The following LATS1 variants were observed in gnomAD, a reference collection of about 807,000 sequenced individuals.
The protein encoded by LATS1 is large tumor suppressor kinase 1.
LATS1 carries 25 observed loss-of-function variants against 106.6 expected under a neutral mutation model. That is an observed-to-expected ratio of 0.23 (90% CI 0.17 to 0.33). The LOEUF is 0.33. Ranked by LOEUF, LATS1 falls within the 10% of genes least tolerant of loss-of-function variation. The pLI, the probability that LATS1 is intolerant of heterozygous loss-of-function variation, is 1.00. For missense variants in LATS1, 1,040 were observed against 1,382.6 expected (o/e 0.75, Z 3.93); for synonymous variants, 465 against 455.6 (o/e 1.02, Z -0.26).
Position 149,684,389 on chromosome 6 carries a change from C to T in LATS1, c.700G>A (p.Val234Met), listed in dbSNP as rs1782242376. The change falls in exon 4 of 8, where the codon GTG becomes ATG. Residue 234 changes from valine to methionine, a missense_variant. Coordinates refer to ENST00000543571, the MANE Select transcript of LATS1 (RefSeq NM_004690.4). ...ACTTGAGGTGGTGGTGGGGGGTTCA[C>T]TCTCTGTCCGTTGCTAGGGTGAGCT... ...VQAHPSNGQR[V>M]NPPPPPQVRS... is the part of the protein sequence containing the mutation. 2 of 1,613,966 alleles carry T rather than the reference C, an allele frequency of 1.2e-6. No homozygotes were observed. The highest frequency in any genetic ancestry group is 1.7e-5 in the Admixed American group (1 of 59,990).
intron 1 of LATS1, among the ~76,000 whole-genome samples, chr6:149,709,830 C>T (rs1489339093): frequency 6.6e-6 from 1 of 151,924 alleles, no homozygotes; most frequent in African/African-American, 2.4e-5. Flanking sequence ...CGTGCGCTAC[C>T]ATGCCTCGCT....
chr6:149,707,530 T>C (rs1783856748), intron 1 of LATS1, among the ~76,000 whole-genome samples: 1 of 152,184 alleles, frequency 6.6e-6, no homozygotes, highest in Non-Finnish European at 1.5e-5. Context: ...CCATGTAGTA[T>C]ACATTAGAAA....
intron 1 of LATS1, among the ~76,000 whole-genome samples, chr6:149,712,974 A>G (rs1354621522): frequency 2.0e-5 from 3 of 152,154 alleles, no homozygotes; most frequent in Non-Finnish European, 4.4e-5. Context: ...CAGCCCGGGC[A>G]TCAGAGCAAA....
chr6:149,683,611 G>A lies in LATS1; in HGVS notation c.1478C>T (p.Pro493Leu). The A allele has an allele frequency of 6.2e-7, 1 of 1,614,238 alleles. No individual in the cohort carries two copies. The highest frequency in any genetic ancestry group is 8.5e-7 in the Non-Finnish European group (1 of 1,180,044). ...ATTVTAITPA[P>L]IQQPVKSMRV... ...CATACTTTTCACAGGCTGTTGAATAGGAGCTGGTGTAATTGCAGTGACTGT... is the reference window on the plus strand; with the variant it reads ...CATACTTTTCACAGGCTGTTGAATAAGAGCTGGTGTAATTGCAGTGACTGT... The change falls in exon 4 of 8, where the codon CCT becomes CTT. Residue 493 changes from proline (P) to leucine (L), a missense_variant. Physicochemically the swap from Pro to Leu is moderately conservative, Grantham distance 98. Transcript: ENST00000543571.
chr6:149,698,418 C>T (rs1783232050), intron 2 of LATS1, among the ~76,000 whole-genome samples: 1 of 151,512 alleles, frequency 6.6e-6, no homozygotes, highest in Non-Finnish European at 1.5e-5. Flanking sequence ...TGATTTTTAA[C>T]TTTTTTTTGT....
intron 1 of LATS1, among the ~76,000 whole-genome samples, chr6:149,710,793 A>G (rs1268791972): frequency 6.6e-6 from 1 of 152,244 alleles, no homozygotes. Context: ...GGAGTTTGGT[A>G]AAGAGGATTT....
At position 149,699,276 on chromosome 6, in the gene LATS1, C is replaced by T. The variant is rs1026018772; in HGVS notation, c.348+2503G>A. ...TGGACTGCCAGAATCTTTATATCAC[C>T]ATTGGTATAAATAATACCATACTTC... is the stretch of plus-strand genomic sequence containing the variant. On this transcript the variant is annotated intron_variant, in intron 2 of 7. Coordinates refer to ENST00000543571, the MANE Select transcript of LATS1 (RefSeq NM_004690.4). Among the ~76,000 whole-genome samples the T allele has an allele frequency of 3.3e-5, 5 of 152,092 alleles. No individual in the cohort carries two copies. The East Asian group carries it at 9.7e-4, about 29-fold the overall frequency.
chr6:149,696,950 T>C (rs1783127586), intron 2 of LATS1: 10 of 412,920 alleles, frequency 2.4e-5, no homozygotes, highest in South Asian at 1.6e-4. Flanking sequence ...ACATGTAAAC[T>C]ACCAAGCACA....
At chr6:149,664,233 A>G (rs1781027601) in intron 7 of LATS1, among the ~76,000 whole-genome samples, 1 of 152,112 alleles carries the variant, frequency 6.6e-6, no homozygotes, top group Non-Finnish European at 1.5e-5. Context: ...ATATAAACTG[A>G]AGCACAGAGA....
intron 2 of LATS1, among the ~76,000 whole-genome samples, chr6:149,697,343 C>T (rs1783159581): frequency 6.6e-6 from 1 of 152,060 alleles, no homozygotes; most frequent in Non-Finnish European, 1.5e-5. Flanking sequence ...CCATGCCTGC[C>T]TTATCTAGGT....
chr6:149,706,491 G>C (rs1328420717), intron 1 of LATS1, among the ~76,000 whole-genome samples: 1 of 151,662 alleles, frequency 6.6e-6, no homozygotes, highest in Non-Finnish European at 1.5e-5. Flanking sequence ...GCCTAGGAGA[G>C]ACAGTGAGAC....
At chr6:149,707,706 T>C (rs576622474) in intron 1 of LATS1, among the ~76,000 whole-genome samples, 15 of 152,200 alleles carry the variant, frequency 9.9e-5, no homozygotes, top group Admixed American at 9.8e-4. Flanking sequence ...ATCATCTACA[T>C]GTTGAAAATA....
intron 3 of LATS1, among the ~76,000 whole-genome samples, chr6:149,686,129 A>G (rs1467544927): frequency 6.6e-6 from 1 of 152,224 alleles, no homozygotes; most frequent in Non-Finnish European, 1.5e-5. Context: ...GGGCAAAAAT[A>G]TATCTAACAA....
At chr6:149,715,356 T>C (rs978130896) in intron 1 of LATS1, among the ~76,000 whole-genome samples, 11 of 152,202 alleles carry the variant, frequency 7.2e-5, no homozygotes, top group Admixed American at 2.0e-4. Flanking sequence ...CGTGAGCCAC[T>C]GCGCCCGGCT....
chr6:149,665,668 C>T (rs1310104873), intron 7 of LATS1, among the ~76,000 whole-genome samples: 2 of 152,088 alleles, frequency 1.3e-5, no homozygotes, highest in African/African-American at 2.4e-5. Context: ...TCCTAAGGAG[C>T]ATACCAAAGA....
intron 3 of LATS1, among the ~76,000 whole-genome samples, chr6:149,687,750 GTA>G (rs1278971557): frequency 6.6e-6 from 1 of 151,182 alleles, no homozygotes; most frequent in Non-Finnish European, 1.5e-5. Context: ...AAAACTTTTT[GTA>G]GAGACGGGGT....
At chr6:149,695,827 C>G (rs1213017522) in intron 2 of LATS1, among the ~76,000 whole-genome samples, 12 of 151,400 alleles carry the variant, frequency 7.9e-5, no homozygotes, top group Non-Finnish European at 5.9e-5. Context: ...TTCAACACAC[C>G]ATTGTTGGCT....
intron 1 of LATS1, among the ~76,000 whole-genome samples, chr6:149,708,139 A>C (rs1254860800): frequency 2.6e-5 from 4 of 152,244 alleles, no homozygotes; most frequent in Non-Finnish European, 5.9e-5. Context: ...TTTCCATGAA[A>C]CAATGTCACT....
chr6:149,670,655 G>A (rs1298772764), intron 7 of LATS1, among the ~76,000 whole-genome samples: 1 of 151,978 alleles, frequency 6.6e-6, no homozygotes, highest in African/African-American at 2.4e-5. Context: ...ATTCCCTGAG[G>A]GACTAGCACA....
Sources: allele counts gnomAD v4.1 joint callset (sites outside exome capture counted in the v4.1 genomes callset), GRCh38; gene constraint gnomAD v4.1.1; transcripts MANE v1.5; gene names NCBI Gene and HGNC (gene_info 2026-07-23, HGNC 2026-07-21).